ARHGEF7: variants seen among roughly 807,000 people sequenced by gnomAD.
ARHGEF7 encodes the protein PAK-interacting exchange factor beta.
Under a neutral mutation model 109.8 loss-of-function variants are expected in ARHGEF7, and 33 were observed. That is an observed-to-expected ratio of 0.30 (90% CI 0.23 to 0.40). The LOEUF is 0.40. Among genes scored for constraint, ARHGEF7 ranks in the 10% least tolerant of loss-of-function variants. The pLI, the probability that ARHGEF7 is intolerant of heterozygous loss-of-function variation, is 1.00. For synonymous variants in ARHGEF7, 458 were observed against 424.6 expected (o/e 1.08, Z -0.97); for missense variants, 938 against 1,098.5 (o/e 0.85, Z 2.07).
chr13:111,201,768 C>T (rs1278599686), intron 2 of ARHGEF7, among the ~76,000 whole-genome samples: 4 of 152,130 alleles, frequency 2.6e-5, no homozygotes, highest in African/African-American at 7.2e-5. Flanking sequence ...GGAGGCTCTG[C>T]TCCGTAGTCT....
chr13:111,154,950 C>T (rs1017750899), intron 2 of ARHGEF7, among the ~76,000 whole-genome samples: 1 of 151,928 alleles, frequency 6.6e-6, no homozygotes, highest in Non-Finnish European at 1.5e-5. Flanking sequence ...CCAAGGTTAC[C>T]CACCCGTGTA....
intron 2 of ARHGEF7, 111 bp from the exon 3 acceptor site, chr13:111,205,178 G>A (rs549742716): frequency 1.1e-5 from 8 of 734,654 alleles, no homozygotes; most frequent in Non-Finnish European, 1.8e-5. Context: ...CAGGTTGTGC[G>A]GTCTCCTTAG....
At chr13:111,204,206 G>T (rs954946172) in intron 2 of ARHGEF7, among the ~76,000 whole-genome samples, 1 of 152,186 alleles carries the variant, frequency 6.6e-6, no homozygotes, top group Non-Finnish European at 1.5e-5. Flanking sequence ...TTCTGGCAGG[G>T]TCTGCTAGAG....
chr13:111,156,622 A>G (rs4771733), intron 2 of ARHGEF7, among the ~76,000 whole-genome samples: 5,816 of 152,360 alleles, frequency 0.038, 155 homozygotes, highest in Middle Eastern at 0.078. Flanking sequence ...GTGAAGGGAC[A>G]GGGCTGGGCC....
intron 2 of ARHGEF7, among the ~76,000 whole-genome samples, chr13:111,181,665 A>G (rs1211549906): frequency 6.6e-6 from 1 of 152,208 alleles, no homozygotes; most frequent in African/African-American, 2.4e-5. Context: ...TGAACAAGAT[A>G]TCTGTGCCCT....
chr13:111,143,943 G>T (rs2075468573), intron 1 of ARHGEF7: 1 of 152,222 alleles, frequency 6.6e-6, no homozygotes, highest in Non-Finnish European at 1.5e-5. Flanking sequence ...ATCTGATGAA[G>T]TTTTATCTTT....
At chr13:111,217,185 C>T (rs2083252266) in intron 4 of ARHGEF7, among the ~76,000 whole-genome samples, 2 of 152,106 alleles carry the variant, frequency 1.3e-5, no homozygotes, top group South Asian at 4.1e-4. Flanking sequence ...GATAGACATA[C>T]AAATATTTTT....
intron 21 of ARHGEF7, among the ~76,000 whole-genome samples, 188 bp from the exon 22 acceptor site, chr13:111,302,803 A>G (rs2093600688): frequency 6.6e-6 from 1 of 152,238 alleles, no homozygotes; most frequent in African/African-American, 2.4e-5. Flanking sequence ...CAGCACAGTC[A>G]GGAGCACCGC....
At chr13:111,199,340 C>A (rs1387914660) in intron 2 of ARHGEF7, among the ~76,000 whole-genome samples, 1 of 152,090 alleles carries the variant, frequency 6.6e-6, no homozygotes, top group East Asian at 1.9e-4. Flanking sequence ...GCTCTTAGAA[C>A]TTTTGTCTGC....
chr13:111,192,462 G>A (rs184833497), intron 2 of ARHGEF7, among the ~76,000 whole-genome samples: 2 of 152,122 alleles, frequency 1.3e-5, no homozygotes, highest in African/African-American at 2.4e-5. Context: ...GAAGTTGGCC[G>A]TTTCCTGATG....
chr13:111,156,237 A>G (rs2076321620), intron 2 of ARHGEF7, among the ~76,000 whole-genome samples: 3 of 152,216 alleles, frequency 2.0e-5, no homozygotes. Flanking sequence ...ACATATTCCA[A>G]GCATCTACAA....
chr13:111,147,737 G>T (rs536095597), intron 1 of ARHGEF7, among the ~76,000 whole-genome samples: 67 of 120,752 alleles, frequency 5.5e-4, no homozygotes, highest in African/African-American at 2.1e-3. Context: ...TCGCTCTGTC[G>T]CCCAGGCTGG....
At chr13:111,214,158 G>A (rs1330253820) in intron 4 of ARHGEF7, among the ~76,000 whole-genome samples, 1 of 152,226 alleles carries the variant, frequency 6.6e-6, no homozygotes, top group African/African-American at 2.4e-5. Context: ...CATTGATGAA[G>A]TAATGTCAGT....
At chr13:111,280,921 G>C (rs2092741143) in intron 15 of ARHGEF7, 1 of 347,546 alleles carries the variant, frequency 2.9e-6, no homozygotes, top group Admixed American at 4.8e-5. Context: ...GAGGTGCTTG[G>C]GTGGGAAGCT....
At chr13:111,185,684 T>C (rs915363306) in intron 2 of ARHGEF7, among the ~76,000 whole-genome samples, 2 of 152,270 alleles carry the variant, frequency 1.3e-5, no homozygotes, top group African/African-American at 4.8e-5. Flanking sequence ...AGCCAGGCTG[T>C]TCTTTGCAGG....
At chr13:111,280,408 C>A in intron 14 of ARHGEF7, 58 bp downstream of exon 14, 1 of 1,587,652 alleles carries the variant, frequency 6.3e-7, no homozygotes, top group Non-Finnish European at 8.6e-7. Flanking sequence ...AGCTTGTCCC[C>A]GCGTGCAGAT....
intron 5 of ARHGEF7, among the ~76,000 whole-genome samples, chr13:111,227,505 T>A (rs770943428): frequency 1.3e-5 from 2 of 152,250 alleles, no homozygotes; most frequent in Non-Finnish European, 2.9e-5. Flanking sequence ...TAGAAACTTT[T>A]TTTTTAACTA....
chr13:111,217,575 G>A, intron 4 of ARHGEF7, 104 bp from the exon 5 acceptor site: 1 of 1,104,926 alleles, frequency 9.1e-7, no homozygotes, highest in Non-Finnish European at 1.3e-6. Flanking sequence ...TATTTCTACT[G>A]TTGGGCAATT....
At chr13:111,268,226 A>G (rs2091834463) in intron 9 of ARHGEF7, among the ~76,000 whole-genome samples, 1 of 152,184 alleles carries the variant, frequency 6.6e-6, no homozygotes, top group Admixed American at 6.5e-5. Context: ...GTTACTGAGG[A>G]GGATCTCAGT....
Sources: gnomAD v4.1 joint callset for allele counts (sites outside exome capture counted in the v4.1 genomes callset) on GRCh38, gnomAD v4.1.1 for gene constraint, MANE v1.5 for transcripts, NCBI Gene and HGNC (gene_info 2026-07-23, HGNC 2026-07-21) for gene names.